The following WDPCP variants were observed in gnomAD, a reference collection of about 807,000 sequenced individuals.
The protein encoded by WDPCP is WD repeat containing planar cell polarity effector.
In WDPCP, 71 loss-of-function variants were observed where a neutral mutation model predicts 93.1. The observed-to-expected ratio is 0.76, with a 90% CI of 0.63 to 0.93. The LOEUF (loss-of-function observed/expected upper bound fraction) is 0.93, where lower values mean the gene tolerates loss of function less well. Ranked by LOEUF, WDPCP falls within the 40% of genes least tolerant of loss-of-function variation. WDPCP has a pLI of 0.00. For missense variants in WDPCP, 844 were observed against 887.4 expected (o/e 0.95, Z 0.62); for synonymous variants, 315 against 315.0 (o/e 1.00, Z 0.00).
intron 1 of WDPCP, among the ~76,000 whole-genome samples, chr2:63,557,632 T>C (rs1706228663): frequency 6.6e-6 from 1 of 151,946 alleles, no homozygotes; most frequent in African/African-American, 2.4e-5. Flanking sequence ...TGAGCTCAGC[T>C]CTGGATCAAG....
At chr2:63,280,905 G>A (rs1683487982) in intron 13 of WDPCP, among the ~76,000 whole-genome samples, 1 of 152,132 alleles carries the variant, frequency 6.6e-6, no homozygotes, top group Non-Finnish European at 1.5e-5. Context: ...AACCCTTCTA[G>A]ACAGTGGCTT....
At chr2:63,238,011 A>AC (rs1679548639) in intron 14 of WDPCP, among the ~76,000 whole-genome samples, 1 of 151,986 alleles carries the variant, frequency 6.6e-6, no homozygotes, top group Non-Finnish European at 1.5e-5. Flanking sequence ...CTAAAAAAAA[A>AC]AACAACAAAA....
intron 6 of WDPCP, among the ~76,000 whole-genome samples, chr2:63,460,570 ACACT>A (rs1375627518): frequency 1.3e-5 from 2 of 152,184 alleles, no homozygotes; most frequent in Middle Eastern, 3.2e-3. Flanking sequence ...TTGCATATAA[ACACT>A]CACATGTACC....
At chr2:63,575,430 GTATATACAGTGTATA>G (rs1707926308) in intron 1 of WDPCP, among the ~76,000 whole-genome samples, 3 of 93,446 alleles carry the variant, frequency 3.2e-5, no homozygotes, top group African/African-American at 1.1e-4. Context: ...TGTATACAGT[GTATATACAGTGTATA>G]CACTGTATAT....
chr2:63,121,830 A>G lies in WDPCP; in HGVS notation c.*176T>C. 7.2e-7 allele frequency: 1 copy of G among 1,390,172 alleles called. No individual in the cohort carries two copies. Among genetic ancestry groups the G allele is most frequent in the Non-Finnish European group, 9.4e-7 (1 of 1,063,680 alleles). 86.1% of individuals were successfully genotyped at this position (1,390,172 alleles called of 1,614,324 possible). A position where few individuals can be genotyped will look rare whatever the true frequency, so the allele number is the denominator to read the frequency against. Reference sequence around the variant, plus strand: ...TACGATCACTTTGCTGTTATGCTGCATGTTTTTGAAATAATAAAACTTTAT... The same window carrying G: ...TACGATCACTTTGCTGTTATGCTGCGTGTTTTTGAAATAATAAAACTTTAT... On this transcript the variant is annotated 3_prime_UTR_variant, in exon 18 of 18. Transcript: ENST00000272321.
intron 1 of WDPCP, among the ~76,000 whole-genome samples, chr2:63,533,601 T>C (rs1704034332): frequency 6.6e-6 from 1 of 152,116 alleles, no homozygotes; most frequent in South Asian, 2.1e-4. Flanking sequence ...AACCTGCTCC[T>C]AAATAACTAC....
At chr2:63,421,672 G>A (rs760069461) in intron 9 of WDPCP, among the ~76,000 whole-genome samples, 49 of 152,076 alleles carry the variant, frequency 3.2e-4, no homozygotes, top group Non-Finnish European at 6.3e-4. Flanking sequence ...GTTGTCACGA[G>A]GAGTACTACA....
chr2:63,508,610 C>A (rs1179508033), intron 1 of WDPCP, among the ~76,000 whole-genome samples: 1 of 151,978 alleles, frequency 6.6e-6, no homozygotes, highest in Non-Finnish European at 1.5e-5. Flanking sequence ...GTAAACTGGC[C>A]AAATGCTCCA....
At chr2:63,744,118 G>C (rs886277245) in intron 2 of WDPCP, among the ~76,000 whole-genome samples, 8 of 152,132 alleles carry the variant, frequency 5.3e-5, no homozygotes, top group East Asian at 1.9e-4. Context: ...AAGTGAAATA[G>C]AGAAGTGATC....
At chr2:63,159,149 C>T (rs150700063) in intron 15 of WDPCP, among the ~76,000 whole-genome samples, 7 of 150,512 alleles carry the variant, frequency 4.7e-5, no homozygotes, top group Non-Finnish European at 1.0e-4. Context: ...GAATGAGACC[C>T]TATCTCAAAA....
chr2:63,191,168 G>A (rs984838646), intron 14 of WDPCP, among the ~76,000 whole-genome samples: 5 of 152,132 alleles, frequency 3.3e-5, no homozygotes, highest in South Asian at 2.1e-4. Context: ...TGAGGCAGGC[G>A]GATCACAAGG....
intron 2 of WDPCP, among the ~76,000 whole-genome samples, chr2:63,810,541 C>G (rs995017607): frequency 6.6e-6 from 1 of 152,084 alleles, no homozygotes; most frequent in African/African-American, 2.4e-5. Flanking sequence ...GGAAAAAGAA[C>G]AGTGGGAGTC....
intron 9 of WDPCP, among the ~76,000 whole-genome samples, chr2:63,418,303 G>T (rs1369216739): frequency 6.6e-6 from 1 of 152,052 alleles, no homozygotes; most frequent in Non-Finnish European, 1.5e-5. Flanking sequence ...ATGATGCTAA[G>T]AAAAAAGAAC....
chr2:63,174,855 G>C (rs1467090239), intron 14 of WDPCP, 23 bp from the exon 15 acceptor site: 5 of 1,610,116 alleles, frequency 3.1e-6, no homozygotes, highest in African/African-American at 1.3e-5. Context: ...ATTAATATGT[G>C]AGTGAAATAC....
chr2:63,521,299 T>G (rs553045975), intron 1 of WDPCP, among the ~76,000 whole-genome samples: 1 of 152,200 alleles, frequency 6.6e-6, no homozygotes, highest in Non-Finnish European at 1.5e-5. Context: ...TGATATGCTG[T>G]CTTCAAGAAA....
chr2:63,421,551 T>G (rs1695862311), intron 9 of WDPCP, among the ~76,000 whole-genome samples: 1 of 152,182 alleles, frequency 6.6e-6, no homozygotes, highest in Non-Finnish European at 1.5e-5. Flanking sequence ...CAGCTGGACA[T>G]CCACATGCAA....
chr2:63,183,800 C>T (rs902031724), intron 14 of WDPCP, among the ~76,000 whole-genome samples: 3 of 152,072 alleles, frequency 2.0e-5, no homozygotes, highest in African/African-American at 7.2e-5. Flanking sequence ...ACTCTGACTG[C>T]TCCAGTGTTT....
intron 14 of WDPCP, among the ~76,000 whole-genome samples, chr2:63,236,372 G>C (rs1002202498): frequency 4.6e-5 from 7 of 152,154 alleles, no homozygotes; most frequent in Non-Finnish European, 8.8e-5. Flanking sequence ...TGGATTGGAA[G>C]AATTAATGTC....
chr2:63,396,605 G>A (rs1169061122), intron 10 of WDPCP, among the ~76,000 whole-genome samples: 3 of 152,060 alleles, frequency 2.0e-5, no homozygotes, highest in Admixed American at 1.3e-4. Context: ...ACTCAGCTGG[G>A]GAGATAAAGA....
Sources: allele counts gnomAD v4.1 joint callset (sites outside exome capture counted in the v4.1 genomes callset), GRCh38; gene constraint gnomAD v4.1.1; transcripts MANE v1.5; gene names NCBI Gene and HGNC (gene_info 2026-07-23, HGNC 2026-07-21).